UNC13C: variants seen among roughly 807,000 people sequenced by gnomAD.
The protein encoded by UNC13C is unc-13 homolog C.
In UNC13C, 174 loss-of-function variants were observed where a neutral mutation model predicts 245.4. That is an observed-to-expected ratio of 0.71 (90% CI 0.63 to 0.80). The LOEUF (loss-of-function observed/expected upper bound fraction) is 0.80, where lower values mean the gene tolerates loss of function less well. Among genes scored for constraint, UNC13C ranks in the 30% least tolerant of loss-of-function variants. UNC13C has a pLI of 0.00. For synonymous variants in UNC13C, 992 were observed against 895.1 expected, an observed-to-expected ratio of 1.11 and a Z score of -1.93; for missense variants, 2,829 against 2,602.9, an observed-to-expected ratio of 1.09 and a Z score of -1.89.
At position 54,114,199 on chromosome 15, in the gene UNC13C, C is replaced by T. The variant is rs1169624079; in HGVS notation, c.2984-28819C>T. 3.3e-5 allele frequency among the ~76,000 whole-genome samples: 5 copies of T among 152,272 alleles called. No homozygotes were observed. In the East Asian group the frequency reaches 9.7e-4, roughly 29 times the overall value. On this transcript the variant is annotated intron_variant, in intron 2 of 32. Transcript: ENST00000260323. ...AGATTATTTTCTGCAGTCTTAAGGA[C>T]ACCCTATGATCCCAATAGCCTGCCA...
chr15:53,964,517 G>A, the UNC13C span, among the ~76,000 whole-genome samples: 1 of 152,134 alleles, frequency 6.6e-6, no homozygotes, highest in Non-Finnish European at 1.5e-5. Context: ...CTAAGGACAT[G>A]TAATATACCT....
intron 8 of UNC13C, among the ~76,000 whole-genome samples, chr15:54,261,701 G>A (rs974601667): frequency 6.6e-6 from 1 of 151,988 alleles, no homozygotes; most frequent in Non-Finnish European, 1.5e-5. Flanking sequence ...CCACCACTAC[G>A]CCTGGCTAAT....
the UNC13C span, among the ~76,000 whole-genome samples, chr15:53,852,308 T>G: frequency 6.6e-6 from 1 of 152,148 alleles, no homozygotes; most frequent in Non-Finnish European, 1.5e-5. Flanking sequence ...CTTTTGAGTG[T>G]GTTTGACATT....
chr15:54,590,596 T>C (rs1898736427), intron 30 of UNC13C, among the ~76,000 whole-genome samples: 2 of 152,212 alleles, frequency 1.3e-5, no homozygotes, highest in African/African-American at 4.8e-5. Flanking sequence ...CTCTATTTTG[T>C]TGCTGTTGGC....
chr15:53,942,698 C>G, the UNC13C span, among the ~76,000 whole-genome samples: 1 of 152,166 alleles, frequency 6.6e-6, no homozygotes, highest in Non-Finnish European at 1.5e-5. Context: ...GAGTCTCACT[C>G]TGTCACCCAG....
intron 19 of UNC13C, among the ~76,000 whole-genome samples, chr15:54,430,665 T>A (rs1298635578): frequency 6.6e-6 from 1 of 151,746 alleles, no homozygotes; most frequent in African/African-American, 2.4e-5. Flanking sequence ...TTAAGTCTTG[T>A]TTTATCTTGT....
At chr15:54,182,024 A>G (rs1398828809) in intron 4 of UNC13C, among the ~76,000 whole-genome samples, 1 of 150,122 alleles carries the variant, frequency 6.7e-6, no homozygotes, top group Non-Finnish European at 1.5e-5. Context: ...ATTGCCTTTT[A>G]TTTTTTCTCT....
chr15:54,434,983 T>C (rs193120844), intron 19 of UNC13C, among the ~76,000 whole-genome samples: 105 of 152,098 alleles, frequency 6.9e-4, no homozygotes, highest in African/African-American at 2.3e-3. Flanking sequence ...GAAAAAAAGC[T>C]CATCATCACT....
intron 11 of UNC13C, among the ~76,000 whole-genome samples, chr15:54,296,753 C>T (rs74015137): frequency 0.015 from 2,303 of 152,242 alleles, 63 homozygotes; most frequent in African/African-American, 0.053. Flanking sequence ...TAAAGTCCTC[C>T]GCACTGACTT....
chr15:54,189,405 GA>G (rs1209533149), intron 4 of UNC13C, among the ~76,000 whole-genome samples: 1 of 151,978 alleles, frequency 6.6e-6, no homozygotes, highest in Admixed American at 6.6e-5. Context: ...GTTCTTCCAA[GA>G]AAAACAACAG....
At chr15:53,928,576 A>G in the UNC13C span, among the ~76,000 whole-genome samples, 3 of 151,764 alleles carry the variant, frequency 2.0e-5, no homozygotes, top group South Asian at 2.1e-4. Flanking sequence ...CAACAGAGAT[A>G]GAATATCTAA....
At chr15:53,987,219 G>A (rs1046166606) in intron 1 of UNC13C, among the ~76,000 whole-genome samples, 1 of 151,964 alleles carries the variant, frequency 6.6e-6, no homozygotes, top group Non-Finnish European at 1.5e-5. Context: ...TTTCTTGGTT[G>A]GTTAAATAAC....
Position 54,237,669 on chromosome 15 carries a change from A to T in UNC13C, c.3207A>T (p.Thr1069=), listed in dbSNP as rs746781301. 6.2e-7 allele frequency: 1 copy of T among 1,611,930 alleles called. No individual in the cohort carries two copies. The highest frequency in any genetic ancestry group is 8.5e-7 in the Non-Finnish European group (1 of 1,179,076). Reference sequence around the variant, plus strand: ...TCTCCCTGGCTATGGTGATTAGGACATCCCTAAATAATGAGGAACTGGTAA... The same window carrying T: ...TCTCCCTGGCTATGGTGATTAGGACTTCCCTAAATAATGAGGAACTGGTAA... The part of the protein sequence containing the change: ...SGLSLAMVIR[T]SLNNEELKMH... The change falls in exon 7 of 33, where the codon ACA becomes ACT. Residue 1069 remains threonine, a synonymous_variant. Transcript: ENST00000260323.
chr15:54,479,340 T>A (rs1050603180), intron 19 of UNC13C, among the ~76,000 whole-genome samples: 1 of 152,154 alleles, frequency 6.6e-6, no homozygotes, highest in African/African-American at 2.4e-5. Flanking sequence ...TGTTCTTCTT[T>A]TTCTCTTTTT....
At chr15:54,484,514 A>T (rs1229815491) in intron 19 of UNC13C, among the ~76,000 whole-genome samples, 1 of 151,782 alleles carries the variant, frequency 6.6e-6, no homozygotes, top group Non-Finnish European at 1.5e-5. Context: ...CAAATACATT[A>T]TCAGTAAAGT....
the UNC13C span, among the ~76,000 whole-genome samples, chr15:53,921,087 G>C: frequency 6.6e-6 from 1 of 151,946 alleles, no homozygotes; most frequent in Non-Finnish European, 1.5e-5. Context: ...CCCTGTGGTA[G>C]GAGGGGAAAG....
intron 15 of UNC13C, among the ~76,000 whole-genome samples, chr15:54,333,559 G>C (rs1007992628): frequency 6.6e-6 from 1 of 151,988 alleles, no homozygotes; most frequent in Non-Finnish European, 1.5e-5. Context: ...GAAGAGTGCA[G>C]CTTTCCAAGA....
chr15:54,422,045 T>G (rs1217567738), intron 19 of UNC13C, among the ~76,000 whole-genome samples: 1 of 152,040 alleles, frequency 6.6e-6, no homozygotes, highest in African/African-American at 2.4e-5. Context: ...ACTTAAATGT[T>G]TAAAGTAAAC....
At chr15:54,556,946 A>G (rs930939555) in intron 29 of UNC13C, among the ~76,000 whole-genome samples, 1 of 151,964 alleles carries the variant, frequency 6.6e-6, no homozygotes, top group Non-Finnish European at 1.5e-5. Context: ...ACATTTCTCT[A>G]ATTTTTATTG....
Sources: gnomAD v4.1 joint callset for allele counts (sites outside exome capture counted in the v4.1 genomes callset) on GRCh38, gnomAD v4.1.1 for gene constraint, MANE v1.5 for transcripts, NCBI Gene and HGNC (gene_info 2026-07-23, HGNC 2026-07-21) for gene names.